Variants in TRIM9 observed in about 807,000 individuals in gnomAD.
TRIM9 encodes the protein tripartite motif containing 9.
Under a neutral mutation model 78.3 loss-of-function variants are expected in TRIM9, and 26 were observed. The ratio of observed to expected loss-of-function variants is 0.33; its 90% CI spans 0.24 to 0.46. The LOEUF (loss-of-function observed/expected upper bound fraction) is 0.46, where lower values mean the gene tolerates loss of function less well. Ranked by LOEUF, TRIM9 falls within the 20% of genes least tolerant of loss-of-function variation. The probability of loss-of-function intolerance (pLI) is 1.00; values close to 1 mark genes in which losing one functional copy is unlikely to be tolerated. For missense variants in TRIM9, 787 were observed against 1,036.4 expected (o/e 0.76, Z 3.30); for synonymous variants, 398 against 416.5 (o/e 0.96, Z 0.54).
At chr14:50,988,632 T>C (rs1255704841) in intron 7 of TRIM9, among the ~76,000 whole-genome samples, 1 of 151,706 alleles carries the variant, frequency 6.6e-6, no homozygotes, top group Non-Finnish European at 1.5e-5. Context: ...ACCTACCAGC[T>C]GGGCTTTTAC....
At chr14:51,041,281 T>C (rs73288887) in intron 1 of TRIM9, among the ~76,000 whole-genome samples, 4,040 of 152,364 alleles carry the variant, frequency 0.027, 131 homozygotes, top group African/African-American at 0.078. Context: ...AAAATAACTG[T>C]GCAATCATTT....
chr14:51,075,471 T>C (rs969239640), intron 1 of TRIM9, among the ~76,000 whole-genome samples: 14 of 152,232 alleles, frequency 9.2e-5, no homozygotes, highest in African/African-American at 3.4e-4. Context: ...TACCAAAGAT[T>C]TGTCTTTATT....
intron 3 of TRIM9, among the ~76,000 whole-genome samples, chr14:51,019,750 G>C (rs924172448): frequency 2.6e-5 from 4 of 152,150 alleles, no homozygotes; most frequent in Non-Finnish European, 4.4e-5. Flanking sequence ...ACCACTTCCA[G>C]CCTTATTTTA....
At chr14:51,083,411 T>C (rs939876182) in intron 1 of TRIM9, among the ~76,000 whole-genome samples, 2 of 147,260 alleles carry the variant, frequency 1.4e-5, no homozygotes, top group African/African-American at 5.0e-5. Context: ...TGCGCCACCA[T>C]GCCCAGCTAA....
At chr14:51,044,969 T>A (rs1320871228) in intron 1 of TRIM9, among the ~76,000 whole-genome samples, 4 of 152,058 alleles carry the variant, frequency 2.6e-5, no homozygotes, top group African/African-American at 9.7e-5. Context: ...TACCTTAGGG[T>A]TGGTGAGGAT....
intron 1 of TRIM9, among the ~76,000 whole-genome samples, chr14:51,075,015 A>G (rs569164547): frequency 6.6e-6 from 1 of 151,914 alleles, no homozygotes; most frequent in African/African-American, 2.4e-5. Context: ...ATTTTTATCC[A>G]AAGAGACTCT....
At chr14:51,067,244 T>C (rs1452350611) in intron 1 of TRIM9, among the ~76,000 whole-genome samples, 1 of 152,180 alleles carries the variant, frequency 6.6e-6, no homozygotes. Context: ...CCCCTCCTAA[T>C]AGTCATCCTT....
Position 51,094,784 on chromosome 14 carries a change from G to C in TRIM9, c.156C>G (p.Ala52=). The change falls in exon 1 of 13, where the codon GCC becomes GCG. Residue 52 remains alanine, a synonymous_variant. Coordinates refer to ENST00000684578, the MANE Select transcript of TRIM9 (RefSeq NM_001387360.1). ...PESESPQSHR[A]AGSGVSDYDY... is the part of the protein sequence containing the mutation. Reference sequence around the variant, plus strand: ...CATAGTCGGAGACCCCGGAGCCCGCGGCCCGATGGCTCTGGGGGGATTCAG... The same window carrying C: ...CATAGTCGGAGACCCCGGAGCCCGCCGCCCGATGGCTCTGGGGGGATTCAG... 1 of 1,529,828 alleles carries C rather than the reference G, an allele frequency of 6.5e-7. No individual in the cohort carries two copies. The highest frequency in any genetic ancestry group is 1.3e-5 in the South Asian group (1 of 76,920). The allele number at this position is 1,529,828 out of a possible 1,614,324, so 94.8% of individuals were successfully genotyped here.
chr14:51,031,470 T>C (rs2058730582), intron 1 of TRIM9, among the ~76,000 whole-genome samples: 1 of 152,168 alleles, frequency 6.6e-6, no homozygotes, highest in Admixed American at 6.5e-5. Flanking sequence ...AAGCACAAGT[T>C]AGCACACCCA....
At chr14:51,001,472 G>T (rs944689213) in intron 5 of TRIM9, among the ~76,000 whole-genome samples, 1 of 151,674 alleles carries the variant, frequency 6.6e-6, no homozygotes, top group South Asian at 2.1e-4. Flanking sequence ...CTCGTGATCC[G>T]CCCGCCTCTG....
intron 3 of TRIM9, among the ~76,000 whole-genome samples, chr14:51,019,061 G>T (rs1178867805): frequency 6.6e-6 from 1 of 152,214 alleles, no homozygotes; most frequent in Non-Finnish European, 1.5e-5. Flanking sequence ...AGAAAGCATA[G>T]ATTTCATTAA....
At chr14:51,036,852 AT>A (rs2059197700) in intron 1 of TRIM9, among the ~76,000 whole-genome samples, 2 of 152,176 alleles carry the variant, frequency 1.3e-5, no homozygotes, top group African/African-American at 4.8e-5. Flanking sequence ...TCACAGGGAA[AT>A]TTGGGCTATC....
intron 1 of TRIM9, among the ~76,000 whole-genome samples, chr14:51,057,898 C>A (rs768413135): frequency 6.6e-6 from 1 of 152,134 alleles, no homozygotes; most frequent in East Asian, 1.9e-4. Flanking sequence ...AGTTTATCCA[C>A]TAAAGATCAG....
chr14:51,012,231 T>A (rs1010947000), intron 3 of TRIM9, among the ~76,000 whole-genome samples: 1 of 152,174 alleles, frequency 6.6e-6, no homozygotes, highest in Non-Finnish European at 1.5e-5. Context: ...AACATCCCCA[T>A]TTCCCCTTCC....
rs181477260 is a variant in TRIM9, at chr14:51,002,423, C to T, written c.1307-1583G>A. On this transcript the variant is annotated intron_variant, in intron 5 of 12. Transcript: ENST00000684578. ...TGCTGGGATTAGAGATATGAGCCAC[C>T]GTGCCCGGCTGGGAACCATGTTTTT... Among the ~76,000 whole-genome samples, 228 of 152,214 alleles carry T rather than the reference C, an allele frequency of 1.5e-3. 1 individual carries two copies. The highest frequency in any genetic ancestry group is 5.2e-3 in the African/African-American group (216 of 41,522).
At chr14:51,025,170 C>T (rs984134929) in intron 2 of TRIM9, 95 bp downstream of exon 2, 62 of 1,131,426 alleles carry the variant, frequency 5.5e-5, no homozygotes, top group East Asian at 1.6e-4. Flanking sequence ...AATTTTCCCA[C>T]GACACATAAA....
chr14:51,081,622 C>T (rs1040338024), intron 1 of TRIM9, among the ~76,000 whole-genome samples: 5 of 152,230 alleles, frequency 3.3e-5, no homozygotes, highest in Admixed American at 1.3e-4. Context: ...ATTGCCCTCA[C>T]TTCAGATTCC....
At chr14:51,013,403 C>T (rs2056811648) in intron 3 of TRIM9, among the ~76,000 whole-genome samples, 2 of 152,032 alleles carry the variant, frequency 1.3e-5, no homozygotes, top group African/African-American at 2.4e-5. Context: ...GTCTTTATGC[C>T]AGTATCCACT....
intron 1 of TRIM9, among the ~76,000 whole-genome samples, chr14:51,070,165 A>G (rs965846482): frequency 1.3e-5 from 2 of 152,338 alleles, no homozygotes; most frequent in East Asian, 3.9e-4. Context: ...AATGCTGTCT[A>G]GCATTCCTAA....
Sources: allele counts gnomAD v4.1 joint callset (sites outside exome capture counted in the v4.1 genomes callset), GRCh38; gene constraint gnomAD v4.1.1; transcripts MANE v1.5; gene names NCBI Gene and HGNC (gene_info 2026-07-23, HGNC 2026-07-21).